Variants in COX7A2 observed in about 807,000 individuals in gnomAD.
COX7A2 encodes the protein cytochrome c oxidase subunit 7A2, mitochondrial.
COX7A2 carries 11 observed loss-of-function variants against 11.6 expected under a neutral mutation model. The observed-to-expected ratio is 0.95, with a 90% confidence interval of 0.60 to 1.57. The LOEUF is 1.57. Among genes scored for constraint, COX7A2 ranks in the 40% most tolerant of loss-of-function variants. The pLI is 0.00. For synonymous variants in COX7A2, 30 were observed against 38.2 expected, an observed-to-expected ratio of 0.78 and a Z score of 0.79; for missense variants, 106 against 100.9, an observed-to-expected ratio of 1.05 and a Z score of -0.22.
upstream of COX7A2, among the ~76,000 whole-genome samples, chr6:75,245,920 G>A (rs1337008766): frequency 6.6e-6 from 1 of 152,138 alleles, no homozygotes; most frequent in Non-Finnish European, 1.5e-5. Context: ...TTGAAGCATG[G>A]TCTTAAAGTG....
At chr6:75,240,195 A>T in intron 3 of COX7A2, 106 bp downstream of exon 3, 1 of 786,654 alleles carries the variant, frequency 1.3e-6, no homozygotes, top group Non-Finnish European at 2.1e-6. Context: ...CAAATTCTGG[A>T]GACAAACTGC....
intron 1 of COX7A2, among the ~76,000 whole-genome samples, chr6:75,248,945 T>C (rs2149515190): frequency 1.3e-5 from 2 of 152,248 alleles, no homozygotes; most frequent in South Asian, 4.2e-4. Flanking sequence ...ACTAGTGGGC[T>C]AAGGTTGTAA....
At chr6:75,238,479 G>A (rs1418139215) in intron 3 of COX7A2, among the ~76,000 whole-genome samples, 4 of 151,886 alleles carry the variant, frequency 2.6e-5, no homozygotes, top group African/African-American at 4.8e-5. Context: ...AGGCCGAGGC[G>A]GGCGGATCAC....
At position 75,240,346 on chromosome 6, in the gene COX7A2, C is replaced by CTG; in HGVS notation, c.147_148insCA (p.Ala50GlnfsTer11). 1 of 1,608,100 alleles carries CTG rather than the reference C, an allele frequency of 6.2e-7. No homozygotes were observed. Among genetic ancestry groups the CTG allele is most frequent in the Non-Finnish European group, 8.5e-7 (1 of 1,178,370 alleles). On this transcript the variant is annotated frameshift_variant, in exon 3 of 4. Coordinates refer to ENST00000684430, the MANE Select transcript of COX7A2 (RefSeq NM_001366293.2). LOFTEE classifies it high-confidence loss of function. ...GTGGCTCTATACAGGAGGGCATCAGCTACCCCACCCTTTAGATACAGTGGA... is the reference window on the plus strand; with the variant it reads ...GTGGCTCTATACAGGAGGGCATCAGCTGTACCCCACCCTTTAGATACAGTGGA...
intron 2 of COX7A2, 75 bp from the exon 3 acceptor site, chr6:75,240,460 C>T: frequency 9.8e-7 from 1 of 1,023,930 alleles, no homozygotes; most frequent in Admixed American, 2.7e-5. Flanking sequence ...AAAGAACAGG[C>T]ATATAAAATG....
At chr6:75,237,705 C>A, downstream of COX7A2, 1 of 397,446 alleles carries the variant, frequency 2.5e-6, no homozygotes, top group Non-Finnish European at 4.5e-6. Context: ...GCAAAAGAAT[C>A]ATTTCTTTGA....
At chr6:75,245,871 T>G (rs932833246), upstream of COX7A2, among the ~76,000 whole-genome samples, 1 of 152,336 alleles carries the variant, frequency 6.6e-6, no homozygotes, top group South Asian at 2.1e-4. Flanking sequence ...ACTTTTTAAT[T>G]TGGAGGTAAA....
chr6:75,243,462 A>G (rs749941618), intron 1 of COX7A2, among the ~76,000 whole-genome samples: 3 of 151,988 alleles, frequency 2.0e-5, no homozygotes, highest in African/African-American at 4.8e-5. Context: ...GTGACTAAGA[A>G]CCCAAGACGG....
intron 1 of COX7A2, among the ~76,000 whole-genome samples, chr6:75,241,542 C>T (rs1418288725): frequency 6.6e-6 from 1 of 152,184 alleles, no homozygotes; most frequent in African/African-American, 2.4e-5. Flanking sequence ...TGAACAGAAC[C>T]AGTAGCATTT....
At chr6:75,245,377 G>A (rs906489673), upstream of COX7A2, among the ~76,000 whole-genome samples, 1 of 151,922 alleles carries the variant, frequency 6.6e-6, no homozygotes, top group Non-Finnish European at 1.5e-5. Context: ...TGTAGTCCCA[G>A]CTACTCAGGA....
chr6:75,237,773 A>G, downstream of COX7A2: 1 of 470,954 alleles, frequency 2.1e-6, no homozygotes, highest in Non-Finnish European at 3.8e-6. Flanking sequence ...ATAAAGTGAT[A>G]AAATCAGACA....
upstream of COX7A2, among the ~76,000 whole-genome samples, chr6:75,246,682 A>C (rs1400442006): frequency 6.6e-6 from 1 of 152,228 alleles, no homozygotes; most frequent in East Asian, 1.9e-4. Context: ...TGCACAAAAG[A>C]ATGGACTATT....
At chr6:75,247,940 C>A (rs904427846), upstream of COX7A2, among the ~76,000 whole-genome samples, 3 of 152,150 alleles carry the variant, frequency 2.0e-5, no homozygotes, top group Admixed American at 2.0e-4. Flanking sequence ...AATCTCCTTT[C>A]CCCTTTCCAG....
At chr6:75,242,951 TTTCC>T (rs1771562705) in intron 1 of COX7A2, among the ~76,000 whole-genome samples, 1 of 152,236 alleles carries the variant, frequency 6.6e-6, no homozygotes, top group Non-Finnish European at 1.5e-5. Flanking sequence ...TCATTACATT[TTTCC>T]TAAAAAATTT....
chr6:75,243,470 C>T (rs1434282337), intron 1 of COX7A2, among the ~76,000 whole-genome samples: 2 of 152,116 alleles, frequency 1.3e-5, no homozygotes, highest in Non-Finnish European at 1.5e-5. Flanking sequence ...GAACCCAAGA[C>T]GGGTCTAACC....
upstream of COX7A2, among the ~76,000 whole-genome samples, chr6:75,244,948 G>A (rs1447883258): frequency 6.6e-6 from 1 of 152,072 alleles, no homozygotes; most frequent in East Asian, 1.9e-4. Flanking sequence ...AAAACTCTGG[G>A]CAAAATTACC....
intron 1 of COX7A2, among the ~76,000 whole-genome samples, chr6:75,242,890 A>G (rs1474349962): frequency 6.6e-6 from 1 of 152,156 alleles, no homozygotes; most frequent in Non-Finnish European, 1.5e-5. Context: ...AAACCCTATT[A>G]CTTGACAGCA....
At chr6:75,247,683 ATC>A (rs775797038), upstream of COX7A2, among the ~76,000 whole-genome samples, 210 of 151,540 alleles carry the variant, frequency 1.4e-3, no homozygotes, top group Middle Eastern at 3.4e-3. Context: ...ATGAGGACTA[ATC>A]TCTGATTTTT....
chr6:75,248,544 T>G (rs1029998936), upstream of COX7A2, among the ~76,000 whole-genome samples: 1 of 152,226 alleles, frequency 6.6e-6, no homozygotes, highest in Non-Finnish European at 1.5e-5. Flanking sequence ...ACCAATGTAT[T>G]TCTTAAATGT....
Sources: allele counts gnomAD v4.1 joint callset (sites outside exome capture counted in the v4.1 genomes callset), GRCh38; gene constraint gnomAD v4.1.1; transcripts MANE v1.5; gene names NCBI Gene and HGNC (gene_info 2026-07-23, HGNC 2026-07-21).